MARCHF3: variants seen among roughly 807,000 people sequenced by gnomAD.
MARCHF3 encodes membrane associated ring-CH-type finger 3, also known as E3 ubiquitin-protein ligase MARCHF3.
Under a neutral mutation model 24.2 loss-of-function variants are expected in MARCHF3, and 13 were observed. The observed-to-expected ratio is 0.54, with a 90% CI of 0.35 to 0.85. The LOEUF (loss-of-function observed/expected upper bound fraction) is 0.85, where lower values mean the gene tolerates loss of function less well. Among genes scored for constraint, MARCHF3 ranks in the 40% least tolerant of loss-of-function variants. The probability of loss-of-function intolerance (pLI) is 0.01; values close to 1 mark genes in which losing one functional copy is unlikely to be tolerated. For missense variants in MARCHF3, 276 were observed against 325.0 expected (o/e 0.85, Z 1.16); for synonymous variants, 144 against 137.3 (o/e 1.05, Z -0.34).
chr5:127,011,966 A>G (rs1752489289), intron 1 of MARCHF3, among the ~76,000 whole-genome samples: 1 of 152,214 alleles, frequency 6.6e-6, no homozygotes, highest in Non-Finnish European at 1.5e-5. Context: ...GTCTTGGCTA[A>G]TATTTTCCAG....
intron 2 of MARCHF3, among the ~76,000 whole-genome samples, chr5:126,916,386 C>G (rs773632473): frequency 3.3e-5 from 5 of 152,180 alleles, no homozygotes; most frequent in African/African-American, 4.8e-5. Flanking sequence ...ATTCATCCTC[C>G]TGAACACTAT....
intron 1 of MARCHF3, among the ~76,000 whole-genome samples, chr5:126,937,565 C>G (rs1044677076): frequency 6.6e-6 from 1 of 152,134 alleles, no homozygotes; most frequent in Non-Finnish European, 1.5e-5. Flanking sequence ...TGGGTGTAGT[C>G]ACCTGTTTTA....
chr5:126,877,807 A>G (rs1279269039), intron 4 of MARCHF3, among the ~76,000 whole-genome samples: 1 of 152,230 alleles, frequency 6.6e-6, no homozygotes, highest in African/African-American at 2.4e-5. Context: ...AGCCAAATGC[A>G]TCATTCATAA....
chr5:126,918,542 C>T (rs887336191), intron 1 of MARCHF3, among the ~76,000 whole-genome samples: 5 of 152,164 alleles, frequency 3.3e-5, no homozygotes, highest in Non-Finnish European at 7.4e-5. Context: ...ATAAGCAGTT[C>T]CCTGCTCTGT....
chr5:126,909,109 G>T (rs1380278655), intron 3 of MARCHF3, among the ~76,000 whole-genome samples: 2 of 152,184 alleles, frequency 1.3e-5, no homozygotes, highest in African/African-American at 4.8e-5. Flanking sequence ...CCCTGCTGGG[G>T]GTGCCTCCCA....
At chr5:126,988,781 A>G (rs550629712) in intron 1 of MARCHF3, among the ~76,000 whole-genome samples, 1 of 152,338 alleles carries the variant, frequency 6.6e-6, no homozygotes, top group East Asian at 1.9e-4. Flanking sequence ...AACTACTATT[A>G]CATCAGTGAG....
chr5:126,931,911 T>C (rs1026074826), intron 1 of MARCHF3, among the ~76,000 whole-genome samples: 2 of 152,206 alleles, frequency 1.3e-5, no homozygotes, highest in East Asian at 1.9e-4. Flanking sequence ...CATGTGAGCG[T>C]TGGAGTTAGA....
intron 1 of MARCHF3, among the ~76,000 whole-genome samples, chr5:127,023,777 T>TAAATAAATAAAA (rs1356929646): frequency 7.1e-6 from 1 of 140,600 alleles, no homozygotes; most frequent in Admixed American, 7.0e-5. Flanking sequence ...AATAAATAAA[T>TAAATAAATAAAA]AAAAATAAAA....
At chr5:126,921,435 A>G (rs13158991) in intron 1 of MARCHF3, among the ~76,000 whole-genome samples, 2 of 152,164 alleles carry the variant, frequency 1.3e-5, no homozygotes, top group African/African-American at 2.4e-5. Context: ...GGACCTCACA[A>G]GCTGCATGCA....
intron 1 of MARCHF3, among the ~76,000 whole-genome samples, chr5:127,014,725 T>G (rs1337945839): frequency 6.6e-6 from 1 of 152,182 alleles, no homozygotes; most frequent in South Asian, 2.1e-4. Context: ...AAACACCATA[T>G]GTTCTCACTC....
In MARCHF3 at chr5:127,024,319, G is replaced by A. The variant is rs73783510; in HGVS notation, c.-57+6031C>T. On this transcript the variant is annotated intron_variant, in intron 1 of 4. Coordinates refer to ENST00000308660, the MANE Select transcript of MARCHF3 (RefSeq NM_178450.5). Reference sequence around the variant, plus strand: ...TTTATGCATATCCTTTTAAGGCCTTGTAAATGTTCACTTGTAATTCTTTGT... The same window carrying A: ...TTTATGCATATCCTTTTAAGGCCTTATAAATGTTCACTTGTAATTCTTTGT... Among the ~76,000 whole-genome samples the A allele has an allele frequency of 2.5e-3, 383 of 152,294 alleles. 3 individuals are homozygous for A. The highest frequency in any genetic ancestry group is 8.8e-3 in the African/African-American group (365 of 41,550).
rs1752924271 is a variant in MARCHF3 at position 126,870,358 on chromosome 5, G to A, written c.*275C>T. 2 of 296,554 alleles carry A rather than the reference G, an allele frequency of 6.7e-6. No individual in the cohort carries two copies. The highest frequency in any genetic ancestry group is 4.5e-5 in the Admixed American group (1 of 22,174). The allele number at this position is 296,554 out of a possible 1,614,324, so 18.4% of individuals were successfully genotyped here. On this transcript the variant is annotated 3_prime_UTR_variant, in exon 5 of 5. Coordinates refer to ENST00000308660, the MANE Select transcript of MARCHF3 (RefSeq NM_178450.5). ...AGGACAACCTTCCTCATACGTTAAA[G>A]AGGTGTTCAGAAAATTCCATACAGT...
intron 3 of MARCHF3, among the ~76,000 whole-genome samples, chr5:126,881,797 T>G (rs1753351086): frequency 6.6e-6 from 1 of 152,116 alleles, no homozygotes; most frequent in Non-Finnish European, 1.5e-5. Flanking sequence ...AAAATGAACA[T>G]GGATTCCTTG....
chr5:126,932,743 T>G (rs1749519397), intron 1 of MARCHF3, among the ~76,000 whole-genome samples: 1 of 152,188 alleles, frequency 6.6e-6, no homozygotes, highest in Non-Finnish European at 1.5e-5. Flanking sequence ...TACGGGGCTC[T>G]GGGGAGCTAG....
At chr5:126,990,869 A>G (rs1482837319) in intron 1 of MARCHF3, among the ~76,000 whole-genome samples, 1 of 152,196 alleles carries the variant, frequency 6.6e-6, no homozygotes, top group African/African-American at 2.4e-5. Flanking sequence ...CACCAATTAG[A>G]ATGGTGATCA....
At chr5:126,957,191 T>A (rs1750477384) in intron 1 of MARCHF3, among the ~76,000 whole-genome samples, 1 of 152,270 alleles carries the variant, frequency 6.6e-6, no homozygotes, top group African/African-American at 2.4e-5. Context: ...TATTTGTCTA[T>A]TCATGTCTTT....
chr5:126,893,976 G>T (rs1461033608), intron 3 of MARCHF3, among the ~76,000 whole-genome samples: 4 of 126,480 alleles, frequency 3.2e-5, no homozygotes, highest in Admixed American at 1.6e-4. Context: ...GGGTGCTCCT[G>T]TATTGGGTGC....
chr5:127,001,899 A>T (rs1752136267), intron 1 of MARCHF3, among the ~76,000 whole-genome samples: 1 of 152,246 alleles, frequency 6.6e-6, no homozygotes, highest in Admixed American at 6.5e-5. Context: ...CAGTGATCTC[A>T]TGGCATCACT....
chr5:126,965,652 T>C (rs141079790), intron 1 of MARCHF3, among the ~76,000 whole-genome samples: 1 of 152,252 alleles, frequency 6.6e-6, no homozygotes, highest in East Asian at 1.9e-4. Context: ...CAAGGTGAAG[T>C]GCCTAAAGCA....
Sources: allele counts gnomAD v4.1 joint callset (sites outside exome capture counted in the v4.1 genomes callset), GRCh38; gene constraint gnomAD v4.1.1; transcripts MANE v1.5; gene names NCBI Gene and HGNC (gene_info 2026-07-23, HGNC 2026-07-21).